The following CNN3 variants were observed in gnomAD, a reference collection of about 807,000 sequenced individuals.
The protein encoded by CNN3 is calponin 3, also known as calponin-3.
A neutral mutation model predicts 39.0 loss-of-function variants in CNN3; 11 were observed. The observed-to-expected ratio is 0.28, with a 90% CI of 0.18 to 0.47. The LOEUF (loss-of-function observed/expected upper bound fraction) is 0.47. CNN3 is among the 20% of genes least tolerant of loss of function. The pLI, the probability that CNN3 is intolerant of heterozygous loss-of-function variation, is 0.99. For synonymous variants in CNN3, 101 were observed against 138.3 expected, an observed-to-expected ratio of 0.73 and a Z score of 1.89; for missense variants, 266 against 403.4, an observed-to-expected ratio of 0.66 and a Z score of 2.92.
chr1:94,910,776 T>G (rs1033973745), intron 1 of CNN3, among the ~76,000 whole-genome samples: 2 of 152,150 alleles, frequency 1.3e-5, no homozygotes, highest in Admixed American at 6.5e-5. Flanking sequence ...CCGCAATACC[T>G]GACACACAAC....
In CNN3 at chr1:94,922,320, CTTAT is replaced by C. The variant is rs545503838; in HGVS notation, c.57+4514_57+4517del. On this transcript the variant is annotated intron_variant, in intron 1 of 6. Transcript: ENST00000370206. The stretch of plus-strand genomic sequence containing the variant: ...CATCACACTTGCACTACAGAATTAT[CTTAT>C]TTAGACTACAGAGTTAATTTCTAAC... Among the ~76,000 whole-genome samples the C allele has an allele frequency of 7.0e-4, 106 of 152,262 alleles. 1 individual carries two copies. Among genetic ancestry groups the C allele is most frequent in the African/African-American group, 2.3e-3 (97 of 41,552 alleles).
rs775799340 is a variant in CNN3 at position 94,899,403 on chromosome 1, G to A, written c.616C>T (p.Leu206=). The stretch of plus-strand genomic sequence containing the variant: ...GCTCCTTTATTAGTGCCCATCTGCA[G>A]ACTAATTGTGGTCTGGTCAAAAGGT... ...DKPFDQTTIS[L]QMGTNKGASQ... is the part of the protein sequence containing the mutation. Residue 206 remains leucine (L), a synonymous_variant, in exon 6 of 7, where the codon CTG becomes TTG. Transcript: ENST00000370206. 4 of 1,614,006 alleles carry A rather than the reference G, an allele frequency of 2.5e-6. No homozygotes were observed. The Admixed American group carries it at 5.0e-5, about 20-fold the overall frequency.
At chr1:94,914,753 G>A (rs1239961536) in intron 1 of CNN3, among the ~76,000 whole-genome samples, 2 of 152,164 alleles carry the variant, frequency 1.3e-5, no homozygotes, top group Admixed American at 6.5e-5. Context: ...AGAGGAAATC[G>A]AATTTTAAAC....
intron 1 of CNN3, among the ~76,000 whole-genome samples, chr1:94,924,907 C>A (rs551355336): frequency 1.3e-5 from 2 of 152,224 alleles, no homozygotes; most frequent in South Asian, 4.2e-4. Flanking sequence ...AAAAATGAAA[C>A]GGGTTATTAA....
chr1:94,902,083 G>A lies in CNN3; in HGVS notation c.384+38C>T, dbSNP rs761234559. On this transcript the variant is annotated intron_variant, in intron 4 of 6. Transcript: ENST00000370206. The stretch of plus-strand genomic sequence containing the variant: ...TGATGCAATTCATCACCAATGTGGT[G>A]GGAATCTGTTAACCAGCCATTAAAG... 5.1e-6 allele frequency: 8 copies of A among 1,559,996 alleles called. No homozygotes were observed. The African/African-American group carries it at 8.1e-5, about 16-fold the overall frequency.
At chr1:94,898,155 T>C (rs1670772428) in intron 6 of CNN3, 72 bp from the exon 7 acceptor site, 7 of 1,417,122 alleles carry the variant, frequency 4.9e-6, no homozygotes, top group African/African-American at 1.4e-5. Flanking sequence ...TTATAAATTA[T>C]AGAATTCACA....
chr1:94,912,641 G>C (rs1251622035), intron 1 of CNN3, among the ~76,000 whole-genome samples: 2 of 152,196 alleles, frequency 1.3e-5, no homozygotes, highest in Non-Finnish European at 2.9e-5. Context: ...GCCCATGCCT[G>C]ATACATAGTG....
chr1:94,924,703 T>A (rs1037568953), intron 1 of CNN3, among the ~76,000 whole-genome samples: 1 of 152,250 alleles, frequency 6.6e-6, no homozygotes, highest in Non-Finnish European at 1.5e-5. Flanking sequence ...TTCACTCAAC[T>A]AAGACATCGC....
rs187893747 is a variant in CNN3 at position 94,903,741 on chromosome 1, C to A, written c.58-217G>T. Among the ~76,000 whole-genome samples, 179 of 152,156 alleles carry A rather than the reference C, an allele frequency of 1.2e-3. 1 individual carries two copies. The highest frequency in any genetic ancestry group is 2.1e-3 in the Non-Finnish European group (144 of 68,002). Reference sequence around the variant, plus strand: ...CGTGTCATACAAAATTTTGAACAGACCATGGAGAGGCTGGGACTGACAAGG... The same window carrying A: ...CGTGTCATACAAAATTTTGAACAGAACATGGAGAGGCTGGGACTGACAAGG... On this transcript the variant is annotated intron_variant, in intron 1 of 6. Transcript: ENST00000370206.
Position 94,897,912 on chromosome 1 carries a change from C to G in CNN3, c.820G>C (p.Ala274Pro). Residue 274 changes from alanine to proline, a missense_variant, in exon 7 of 7, where the codon GCT becomes CCT. Transcript: ENST00000370206. Reference sequence around the variant, plus strand: ...TGAATGACAGGTTCTGTAGGAGCAGCACAGTATTTGGGATCATATACTTGC... The same window carrying G: ...TGAATGACAGGTTCTGTAGGAGCAGGACAGTATTTGGGATCATATACTTGC... ...GRQVYDPKYC[A>P]APTEPVIHNG... 6.2e-7 allele frequency: 1 copy of G among 1,614,100 alleles called. No individual in the cohort carries two copies. Among genetic ancestry groups the G allele is most frequent in the East Asian group, 2.2e-5 (1 of 44,878 alleles).
chr1:94,902,841 G>C (rs560737118), intron 3 of CNN3, among the ~76,000 whole-genome samples: 1 of 152,186 alleles, frequency 6.6e-6, no homozygotes, highest in African/African-American at 2.4e-5. Context: ...CTCTGTGTAA[G>C]CTGTGTCAAG....
intron 1 of CNN3, among the ~76,000 whole-genome samples, chr1:94,922,084 T>C (rs1671462620): frequency 6.6e-6 from 1 of 152,074 alleles, no homozygotes; most frequent in Non-Finnish European, 1.5e-5. Flanking sequence ...GCAGCAAAGA[T>C]GAAAAATTTC....
intron 1 of CNN3, among the ~76,000 whole-genome samples, chr1:94,921,419 A>G (rs983877474): frequency 8.5e-5 from 13 of 152,154 alleles, no homozygotes; most frequent in Non-Finnish European, 1.9e-4. Flanking sequence ...GAGAGAGAAG[A>G]AAATGCATTT....
rs756283256 is a variant in CNN3 at position 94,926,811 on chromosome 1, C to A, written c.57+27G>T. 2.5e-6 allele frequency: 4 copies of A among 1,605,418 alleles called. No homozygotes were observed. The East Asian group carries it at 6.8e-5, about 27-fold the overall frequency. The stretch of plus-strand genomic sequence containing the variant: ...GCCAGCCCAAGGGTGCCCCGGGGGC[C>A]CCCGCGCCCGCCCGAGCCAGGCGTA... On this transcript the variant is annotated intron_variant, in intron 1 of 6. Transcript: ENST00000370206. This position sits in a 1 kb window ranked among gnomAD's most constrained non-coding sequence, Gnocchi z 4.2.
Position 94,898,064 on chromosome 1 carries a change from C to T in CNN3, c.668G>A (p.Gly223Asp). 2.5e-6 allele frequency: 4 copies of T among 1,613,758 alleles called. No individual in the cohort carries two copies. Among genetic ancestry groups the T allele is most frequent in the Non-Finnish European group, 2.5e-6 (3 of 1,179,788 alleles). Reference protein sequence around the residue: ...GASQAGMLAPGTRRDIYDQKL... With the variant: ...GASQAGMLAPDTRRDIYDQKL... Reference sequence around the variant, plus strand: ...CTGATCATAGATGTCTCTTCTGGTACCTGGTGCTAACATCCCTGCCTGGTA... The same window carrying T: ...CTGATCATAGATGTCTCTTCTGGTATCTGGTGCTAACATCCCTGCCTGGTA... The change falls in exon 7 of 7, where the codon GGT becomes GAT. Residue 223 changes from glycine to aspartate, a missense_variant. Transcript: ENST00000370206.
intron 1 of CNN3, among the ~76,000 whole-genome samples, chr1:94,919,323 G>C (rs1445271871): frequency 1.3e-5 from 2 of 152,216 alleles, no homozygotes; most frequent in Non-Finnish European, 1.5e-5. Flanking sequence ...ACCACAGCAA[G>C]CTCACAAGAT....
At chr1:94,900,833 G>A (rs530972632) in intron 5 of CNN3, among the ~76,000 whole-genome samples, 13 of 152,240 alleles carry the variant, frequency 8.5e-5, no homozygotes, top group Non-Finnish European at 1.6e-4. Flanking sequence ...GGGCTTGGCT[G>A]CTATATCATG....
intron 1 of CNN3, among the ~76,000 whole-genome samples, chr1:94,922,797 T>C (rs1018298343): frequency 1.3e-5 from 2 of 152,344 alleles, no homozygotes; most frequent in African/African-American, 2.4e-5. Flanking sequence ...TACTGTATGA[T>C]TGTTTAACTT....
chr1:94,923,631 T>C (rs910842986), intron 1 of CNN3, among the ~76,000 whole-genome samples: 1 of 152,174 alleles, frequency 6.6e-6, no homozygotes, highest in Non-Finnish European at 1.5e-5. Context: ...TTTTACTGAT[T>C]AAAGTATTTA....
Sources: allele counts gnomAD v4.1 joint callset (sites outside exome capture counted in the v4.1 genomes callset), GRCh38; gene constraint gnomAD v4.1.1; non-coding constraint Gnocchi (gnomAD v3.1); transcripts MANE v1.5; gene names NCBI Gene and HGNC (gene_info 2026-07-23, HGNC 2026-07-21).